The following RTN2 variants were observed in gnomAD, a reference collection of about 807,000 sequenced individuals.
The protein encoded by RTN2 is reticulon-2.
Under a neutral mutation model 63.7 loss-of-function variants are expected in RTN2, and 36 were observed. That is an observed-to-expected ratio of 0.56 (90% CI 0.43 to 0.75). RTN2 has a LOEUF of 0.75. Ranked by LOEUF, RTN2 falls within the 30% of genes least tolerant of loss-of-function variation. The probability of loss-of-function intolerance (pLI) is 0.00; values close to 1 mark genes in which losing one functional copy is unlikely to be tolerated. For synonymous variants in RTN2, 312 were observed against 313.0 expected, an observed-to-expected ratio of 1.00 and a Z score of 0.03; for missense variants, 673 against 705.1, an observed-to-expected ratio of 0.95 and a Z score of 0.52.
At position 45,494,332 on chromosome 19, in the gene RTN2, G is replaced by A. The variant is rs909002285; in HGVS notation, c.648C>T (p.Ala216=). 2 of 1,614,040 alleles carry A rather than the reference G, an allele frequency of 1.2e-6. No homozygotes were observed. Among genetic ancestry groups the A allele is most frequent in the African/African-American group, 1.3e-5 (1 of 74,916 alleles). Reference sequence around the variant, plus strand: ...GCGATCGGGATGGGGACGGAGTACCGGCCTGGGGTGTCCCAGAGCCCGGAC... The same window carrying A: ...GCGATCGGGATGGGGACGGAGTACCAGCCTGGGGTGTCCCAGAGCCCGGAC... ...QLSPGSGTPQ[A]GTPSPSRSRD... The change falls in exon 4 of 11, where the codon GCC becomes GCT. Residue 216 remains alanine (A), a synonymous_variant. Coordinates refer to ENST00000245923, the MANE Select transcript of RTN2 (RefSeq NM_005619.5). The surrounding 1 kb of genome is among the most constrained non-coding windows in gnomAD (Gnocchi z 5.3).
chr19:45,486,736 C>CTTT (rs1312823863), intron 9 of RTN2, among the ~76,000 whole-genome samples: 1 of 119,302 alleles, frequency 8.4e-6, no homozygotes, highest in Non-Finnish European at 1.7e-5. Flanking sequence ...TTCTTTCTTT[C>CTTT]TTTTTTTTTT....
rs967583321 is a variant in RTN2 at position 45,485,547 on chromosome 19, C to T, written c.*161G>A. ...CTCTTGGGAAATGTAGTCCTGGTCG[C>T]TCAGGTAATTAGCGCAGAGTCCCTA... On this transcript the variant is annotated 3_prime_UTR_variant, in exon 11 of 11. Coordinates refer to ENST00000245923, the MANE Select transcript of RTN2 (RefSeq NM_005619.5). 9.6e-6 allele frequency: 6 copies of T among 622,686 alleles called. No homozygotes were observed. Among genetic ancestry groups the T allele is most frequent in the African/African-American group, 3.6e-5 (2 of 54,872 alleles). 38.6% of individuals were successfully genotyped at this position (622,686 alleles called of 1,614,324 possible).
chr19:45,491,034 G>A (rs1185017889), intron 5 of RTN2, among the ~76,000 whole-genome samples: 1 of 151,486 alleles, frequency 6.6e-6, no homozygotes, highest in Non-Finnish European at 1.5e-5. Flanking sequence ...TTACAGGCAT[G>A]TGCCATCATG....
At position 45,485,790 on chromosome 19, in the gene RTN2, C is replaced by T; in HGVS notation, c.1557-1G>A. The T allele has an allele frequency of 6.2e-7, 1 of 1,613,448 alleles. No individual in the cohort carries two copies. The highest frequency in any genetic ancestry group is 8.5e-7 in the Non-Finnish European group (1 of 1,179,522). ...GGTCCCTGGGATTTTAGCTCGGATC[C>T]TGAAGGAGAAACAGGTGGGATCACG... On this transcript the variant is annotated splice_acceptor_variant, in intron 10 of 10. Transcript: ENST00000245923. LOFTEE classifies it high-confidence loss of function.
Position 45,494,194 on chromosome 19 carries a change from T to C in RTN2, c.786A>G (p.Leu262=). Reference sequence around the variant, plus strand: ...GAAGGCGTGGCTCCACCGTGAATTCTAATTGGTCCGTGCTATCGAGGCACT... The same window carrying C: ...GAAGGCGTGGCTCCACCGTGAATTCCAATTGGTCCGTGCTATCGAGGCACT... ...RGQCLDSTDQ[L]EFTVEPRLLG... is the part of the protein sequence containing the mutation. Residue 262 remains leucine, a synonymous_variant, in exon 4 of 11, where the codon TTA becomes TTG. Transcript: ENST00000245923. The surrounding 1 kb of genome is among the most constrained non-coding windows in gnomAD (Gnocchi z 5.3). The C allele has an allele frequency of 6.2e-7, 1 of 1,605,734 alleles. No homozygotes were observed. The highest frequency in any genetic ancestry group is 8.5e-7 in the Non-Finnish European group (1 of 1,179,966).
chr19:45,489,170 G>T, intron 6 of RTN2, 176 bp downstream of exon 6: 1 of 868,928 alleles, frequency 1.2e-6, no homozygotes, highest in Non-Finnish European at 1.8e-6. Flanking sequence ...AGGGATCGAG[G>T]ATGAAGGGTA....
At position 45,489,370 on chromosome 19, in the gene RTN2, C is replaced by G. The variant is rs369158895; in HGVS notation, c.1217G>C (p.Arg406Pro). 4.4e-5 allele frequency: 70 copies of G among 1,574,558 alleles called. 1 individual carries two copies. In the South Asian group the frequency reaches 6.4e-4, roughly 14 times the overall value. Residue 406 changes from arginine to proline, a missense_variant, in exon 6 of 11, where the codon CGG becomes CCG. Transcript: ENST00000245923. ...VYRKVLQAVH[R>P]GDGANPFQAY... ...CTGGAAAGGGTTGGCTCCATCCCCC[C>G]GGTGCACGGCCTGCAGCACTTTGCG...
chr19:45,488,607 C>A, intron 8 of RTN2, 30 bp downstream of exon 8: 1 of 1,613,766 alleles, frequency 6.2e-7, no homozygotes. Flanking sequence ...TCCAAGTCCC[C>A]ATTTGCCCCT....
chr19:45,489,074 G>T, intron 6 of RTN2, 88 bp from the exon 7 acceptor site: 1 of 1,447,824 alleles, frequency 6.9e-7, no homozygotes, highest in Non-Finnish European at 9.4e-7. Flanking sequence ...GAGGAATGGC[G>T]GTTGGGAGAA....
intron 9 of RTN2, among the ~76,000 whole-genome samples, chr19:45,488,174 G>T (rs1213279076): frequency 2.6e-5 from 4 of 151,320 alleles, no homozygotes; most frequent in Non-Finnish European, 5.9e-5. Flanking sequence ...ACTTGCTTGA[G>T]CCCAGGAAAC....
chr19:45,491,513 G>T (rs2122218842), intron 5 of RTN2, among the ~76,000 whole-genome samples: 1 of 147,796 alleles, frequency 6.8e-6, no homozygotes, highest in South Asian at 2.2e-4. Context: ...GGCATGAGCT[G>T]CCATGCCTGG....
chr19:45,489,638 G>T, intron 5 of RTN2, 85 bp from the exon 6 acceptor site: 3 of 882,770 alleles, frequency 3.4e-6, no homozygotes, highest in Non-Finnish European at 3.6e-6. Flanking sequence ...AGCTGAAAAT[G>T]ACTTCTCGAC....
chr19:45,490,267 T>A (rs1446712558), intron 5 of RTN2, among the ~76,000 whole-genome samples: 1 of 152,194 alleles, frequency 6.6e-6, no homozygotes, highest in Non-Finnish European at 1.5e-5. Context: ...CCCAAAGTGC[T>A]GGGATTACAG....
intron 2 of RTN2, 41 bp from the exon 3 acceptor site, chr19:45,495,046 C>A: frequency 6.2e-7 from 1 of 1,614,184 alleles, no homozygotes; most frequent in Non-Finnish European, 8.5e-7. Context: ...CTCAGCAGGT[C>A]CCTGAGCTGC....
chr19:45,495,271 C>T (rs1242227783), intron 1 of RTN2, 132 bp from the exon 2 acceptor site: 2 of 991,554 alleles, frequency 2.0e-6, no homozygotes, highest in Non-Finnish European at 3.1e-6. Context: ...ACTCTAAAAC[C>T]TAGCATCACT....
intron 1 of RTN2, among the ~76,000 whole-genome samples, chr19:45,496,138 G>T (rs2122231324): frequency 6.6e-6 from 1 of 152,254 alleles, no homozygotes; most frequent in African/African-American, 2.4e-5. Context: ...TCAGAGCTTT[G>T]CACATAGATG....
intron 1 of RTN2, chr19:45,496,574 T>C (rs1426810574): frequency 5.4e-6 from 2 of 372,730 alleles, no homozygotes; most frequent in African/African-American, 2.2e-5. Context: ...CCGCCTGCTG[T>C]CTCAGTGCCC....
chr19:45,488,184 CG>C (rs1467232857), intron 9 of RTN2, among the ~76,000 whole-genome samples: 2 of 151,694 alleles, frequency 1.3e-5, no homozygotes, highest in African/African-American at 4.8e-5. Flanking sequence ...GCCCAGGAAA[CG>C]GAGGTTGCAG....
At position 45,494,677 on chromosome 19, in the gene RTN2, A is replaced by C. The variant is rs1166367620; in HGVS notation, c.408T>G (p.Pro136=). The part of the protein sequence containing the change: ...DPDTAPPSER[P]LEDLRLRLDH... ...CCAACCGAAGCCTCAGGTCTTCCAG[A>C]GGGCGCTCGGATGGAGGCGCGGTGT... The change falls in exon 3 of 11, where the codon CCT becomes CCG. Residue 136 remains proline, a synonymous_variant. Coordinates refer to ENST00000245923, the MANE Select transcript of RTN2 (RefSeq NM_005619.5). This position sits in a 1 kb window ranked among gnomAD's most constrained non-coding sequence, Gnocchi z 5.3. 1 of 1,613,758 alleles carries C rather than the reference A, an allele frequency of 6.2e-7. No individual in the cohort carries two copies. The highest frequency in any genetic ancestry group is 1.3e-5 in the African/African-American group (1 of 75,022).
Sources: gnomAD v4.1 joint callset for allele counts (sites outside exome capture counted in the v4.1 genomes callset) on GRCh38, gnomAD v4.1.1 for gene constraint, Gnocchi (gnomAD v3.1) non-coding constraint, MANE v1.5 for transcripts, NCBI Gene and HGNC (gene_info 2026-07-23, HGNC 2026-07-21) for gene names.